SQLE: variants seen among roughly 807,000 people sequenced by gnomAD.
SQLE encodes squalene epoxidase.
SQLE carries 29 observed loss-of-function variants against 60.7 expected under a neutral mutation model. The observed-to-expected ratio is 0.48, with a 90% CI of 0.36 to 0.65. SQLE has a LOEUF of 0.65. Ranked by LOEUF, SQLE falls within the 30% of genes least tolerant of loss-of-function variation. The pLI is 0.00. For synonymous variants in SQLE, 237 were observed against 246.8 expected, an observed-to-expected ratio of 0.96 and a Z score of 0.37; for missense variants, 605 against 684.1, an observed-to-expected ratio of 0.88 and a Z score of 1.29.
At chr8:125,007,252 TAAA>T (rs144079596) in intron 3 of SQLE, 136 bp from the exon 4 acceptor site, 97 of 464,358 alleles carry the variant, frequency 2.1e-4, no homozygotes, top group African/African-American at 4.2e-4. Context: ...AATTAGAAAA[TAAA>T]AAACACACAT....
At position 125,020,843 on chromosome 8, in the gene SQLE, G is replaced by A. The variant is rs1815192261; in HGVS notation, c.1504G>A (p.Val502Ile). 1 of 1,613,524 alleles carries A rather than the reference G, an allele frequency of 6.2e-7. No homozygotes were observed. The highest frequency in any genetic ancestry group is 8.5e-7 in the Non-Finnish European group (1 of 1,179,582). The change falls in exon 10 of 11, where the codon GTT (valine) becomes ATT (isoleucine). Residue 502 changes from valine (V) to isoleucine (I), a missense_variant. Val to Ile is a conservative substitution (Grantham distance 29, BLOSUM62 3). Coordinates refer to ENST00000265896, the MANE Select transcript of SQLE (RefSeq NM_003129.4). ...TTATTTCAAACTTGGTGGCGAATGTGTTGCGGGTCCTGTTGGGCTGCTTTC... is the reference window on the plus strand; with the variant it reads ...TTATTTCAAACTTGGTGGCGAATGTATTGCGGGTCCTGTTGGGCTGCTTTC... ...FLYFKLGGEC[V>I]AGPVGLLSVL...
At chr8:125,018,488 ATTTTTTTTG>A in intron 8 of SQLE, 134 bp from the exon 9 acceptor site, 1 of 674,758 alleles carries the variant, frequency 1.5e-6, no homozygotes, top group African/African-American at 1.8e-5. Flanking sequence ...GTGATTTTTT[ATTTTTTTTG>A]TAAATGATAA....
Position 124,998,579 on chromosome 8 carries a change from G to C in SQLE, c.-825G>C, listed in dbSNP as rs1244082301. The C allele has an allele frequency of 1.5e-6, 1 of 685,874 alleles. No individual in the cohort carries two copies. Among genetic ancestry groups the C allele is most frequent in the Non-Finnish European group, 2.6e-6 (1 of 377,566 alleles). 42.5% of individuals were successfully genotyped at this position (685,874 alleles called of 1,614,324 possible). ...GTTACTGGGGCCGCGCCGCGCTGGC[G>C]AGAGCCGCCGCCCGCGAGGGATGCT... On this transcript the variant is annotated 5_prime_UTR_variant, in exon 1 of 11. Transcript: ENST00000265896.
At position 125,020,883 on chromosome 8, in the gene SQLE, T is replaced by C. The variant is rs200395650; in HGVS notation, c.1532+12T>C. 3.1e-6 allele frequency: 5 copies of C among 1,602,794 alleles called. No individual in the cohort carries two copies. In the East Asian group the frequency reaches 8.9e-5, roughly 29 times the overall value. ...GGGCTGCTTTCTGTGTAAGTTGTGATGGCACAGAGGATACAAACCTGCCAG... is the reference window on the plus strand; with the variant it reads ...GGGCTGCTTTCTGTGTAAGTTGTGACGGCACAGAGGATACAAACCTGCCAG... On this transcript the variant is annotated intron_variant, in intron 10 of 10. Transcript: ENST00000265896.
chr8:125,006,041 TACG>T, intron 3 of SQLE, among the ~76,000 whole-genome samples: 1 of 152,324 alleles, frequency 6.6e-6, no homozygotes, highest in Non-Finnish European at 1.5e-5. Context: ...AGTTTGTGGT[TACG>T]ATACTTTCTA....
chr8:125,005,547 C>T lies in SQLE; in HGVS notation c.567C>T (p.Ala189=). 6.2e-7 allele frequency: 1 copy of T among 1,601,784 alleles called. No individual in the cohort carries two copies. The highest frequency in any genetic ancestry group is 8.5e-7 in the Non-Finnish European group (1 of 1,172,428). Reference sequence around the variant, plus strand: ...CAGATACAGTGGAAGGTCTTGATGCCCAGGTTGTAAATGGTTACATGATTC... The same window carrying T: ...CAGATACAGTGGAAGGTCTTGATGCTCAGGTTGTAAATGGTTACATGATTC... ...GLGDTVEGLD[A]QVVNGYMIHD... The change falls in exon 3 of 11, where the codon GCC becomes GCT. Residue 189 remains alanine (A), a synonymous_variant. Coordinates refer to ENST00000265896, the MANE Select transcript of SQLE (RefSeq NM_003129.4).
intron 3 of SQLE, 138 bp downstream of exon 3, chr8:125,005,843 C>A: frequency 1.7e-6 from 1 of 603,396 alleles, no homozygotes; most frequent in Non-Finnish European, 2.5e-6. Flanking sequence ...AATAAACTGT[C>A]AGTCAAAAGA....
chr8:125,019,835 C>T (rs1815173783), intron 9 of SQLE, among the ~76,000 whole-genome samples: 1 of 151,372 alleles, frequency 6.6e-6, no homozygotes, highest in Non-Finnish European at 1.5e-5. Flanking sequence ...TCTGTAGCCT[C>T]TATAACCATT....
chr8:125,020,619 G>C (rs1815187591), intron 9 of SQLE, among the ~76,000 whole-genome samples, 165 bp from the exon 10 acceptor site: 1 of 152,166 alleles, frequency 6.6e-6, no homozygotes, highest in African/African-American at 2.4e-5. Context: ...CCATAATGCT[G>C]ATTATGGAAT....
chr8:125,008,940 C>T (rs1814999185), intron 4 of SQLE, 31 bp from the exon 5 acceptor site: 3 of 1,464,252 alleles, frequency 2.0e-6, no homozygotes, highest in Non-Finnish European at 2.7e-6. Context: ...TTTCTGACTA[C>T]TAAACTGAGT....
chr8:125,022,241 T>TTGAGA lies in SQLE; in HGVS notation c.*301_*305dup, dbSNP rs1459091960. 1 of 188,366 alleles carries TTGAGA rather than the reference T, an allele frequency of 5.3e-6. No individual in the cohort carries two copies. 11.7% of individuals were successfully genotyped at this position (188,366 alleles called of 1,614,324 possible). On this transcript the variant is annotated 3_prime_UTR_variant, in exon 11 of 11. Coordinates refer to ENST00000265896, the MANE Select transcript of SQLE (RefSeq NM_003129.4). ...ACAGTTTTTCTTTTGAATTTAGTATTTGAGATGAGTTGTTGGGACATGCAA... is the reference window on the plus strand; with the variant it reads ...ACAGTTTTTCTTTTGAATTTAGTATTTGAGATGAGATGAGTTGTTGGGACATGCAA...
At position 125,003,227 on chromosome 8, in the gene SQLE, T is replaced by C; in HGVS notation, c.343T>C (p.Cys115Arg). 1.2e-6 allele frequency: 2 copies of C among 1,613,894 alleles called. No homozygotes were observed. Among genetic ancestry groups the C allele is most frequent in the Non-Finnish European group, 1.7e-6 (2 of 1,179,854 alleles). Residue 115 changes from cysteine (C) to arginine (R), a missense_variant, in exon 2 of 11, where the codon TGT becomes CGT. By Grantham distance (180) the Cys-to-Arg change is radical (BLOSUM62 -3). Transcript: ENST00000265896. ...SETSLIGTAA[C>R]TSTSSQNDPE... ...AACAAGCTTAATAGGAACAGCTGCC[T>C]GTACATCAACATCTTCTCAGAATGA...
At chr8:125,018,421 T>A (rs1815144095) in intron 8 of SQLE, among the ~76,000 whole-genome samples, 1 of 152,244 alleles carries the variant, frequency 6.6e-6, no homozygotes, top group African/African-American at 2.4e-5. Context: ...TATGGGCCAC[T>A]TAGCTCATAG....
At chr8:125,015,441 A>T (rs1410550305) in intron 7 of SQLE, among the ~76,000 whole-genome samples, 1 of 151,534 alleles carries the variant, frequency 6.6e-6, no homozygotes, top group Non-Finnish European at 1.5e-5. Flanking sequence ...TTGTTTTCTG[A>T]TTGTTTTGCT....
At position 125,020,633 on chromosome 8, in the gene SQLE, G is replaced by C; in HGVS notation, c.1445-151G>C. The C allele has an allele frequency of 6.9e-6, 4 of 576,492 alleles. No individual in the cohort carries two copies. The South Asian group carries it at 8.7e-5, about 13-fold the overall frequency. The allele number at this position is 576,492 out of a possible 1,614,324, so 35.7% of individuals were successfully genotyped here. A position where few individuals can be genotyped will look rare whatever the true frequency, so the allele number is the denominator to read the frequency against. On this transcript the variant is annotated intron_variant, in intron 9 of 10. Transcript: ENST00000265896. ...TCCATAATGCTGATTATGGAATTCA[G>C]AAGAAATCCTGGTTGTTGAAATTCT...
At position 125,018,036 on chromosome 8, in the gene SQLE, AT is replaced by A. The variant is rs752164144; in HGVS notation, c.1205-22del. 5.6e-6 allele frequency: 9 copies of A among 1,608,928 alleles called. No homozygotes were observed. The Admixed American group carries it at 1.5e-4, about 28-fold the overall frequency. On this transcript the variant is annotated intron_variant, in intron 7 of 10. Transcript: ENST00000265896. Reference sequence around the variant, plus strand: ...GTCTCAAGGGATGCTCTAAAATAAAATCTTCATTACCTCTCTTCATAGGTGT... The same window carrying A: ...GTCTCAAGGGATGCTCTAAAATAAAACTTCATTACCTCTCTTCATAGGTGT...
rs1255077959 is a variant in SQLE at position 124,999,935 on chromosome 8, A to G, written c.291+241A>G. ...GCCTCAGATGGAGGTTGGATATTTG[A>G]TTATGAAAGATGGAACGAAATGTTA... On this transcript the variant is annotated intron_variant, in intron 1 of 10. Coordinates refer to ENST00000265896, the MANE Select transcript of SQLE (RefSeq NM_003129.4). 16 of 677,056 alleles carry G rather than the reference A, an allele frequency of 2.4e-5. No homozygotes were observed. In the East Asian group the frequency reaches 4.2e-4, roughly 18 times the overall value. 41.9% of individuals were successfully genotyped at this position (677,056 alleles called of 1,614,324 possible). A position where few individuals can be genotyped will look rare whatever the true frequency, so the allele number is the denominator to read the frequency against.
At chr8:125,002,634 G>A (rs905096205) in intron 1 of SQLE, among the ~76,000 whole-genome samples, 5 of 152,118 alleles carry the variant, frequency 3.3e-5, no homozygotes, top group Non-Finnish European at 5.9e-5. Context: ...CCGAGATTGC[G>A]CCATTGCACT....
In SQLE at chr8:125,019,045, T is replaced by A. The variant is rs114736236; in HGVS notation, c.1444+318T>A. 4.9e-3 allele frequency: 1,081 copies of A among 220,648 alleles called. 8 individuals carry two copies. Among genetic ancestry groups the A allele is most frequent in the African/African-American group, 0.023 (1,005 of 42,904 alleles). The allele number at this position is 220,648 out of a possible 1,614,324, so 13.7% of individuals were successfully genotyped here. ...CTGTGATGGAAGGTGTTTTTGGCCA[T>A]GTATTAAAAGGCAATGTAGTCTTTT... is the stretch of plus-strand genomic sequence containing the variant. On this transcript the variant is annotated intron_variant, in intron 9 of 10. Coordinates refer to ENST00000265896, the MANE Select transcript of SQLE (RefSeq NM_003129.4).
Sources: allele counts gnomAD v4.1 joint callset (sites outside exome capture counted in the v4.1 genomes callset), GRCh38; gene constraint gnomAD v4.1.1; transcripts MANE v1.5; gene names NCBI Gene and HGNC (gene_info 2026-07-23, HGNC 2026-07-21).